The following STK39 variants were observed in gnomAD, a reference collection of about 807,000 sequenced individuals.
STK39 encodes the protein serine/threonine kinase 39.
A neutral mutation model predicts 77.8 loss-of-function variants in STK39; 20 were observed. That is an observed-to-expected ratio of 0.26 (90% CI 0.18 to 0.37). The LOEUF (loss-of-function observed/expected upper bound fraction) is 0.37, where lower values mean the gene tolerates loss of function less well. STK39 is among the 10% of genes least tolerant of loss of function. STK39 has a pLI of 1.00. For missense variants in STK39, 479 were observed against 656.5 expected (o/e 0.73, Z 2.95); for synonymous variants, 246 against 234.1 (o/e 1.05, Z -0.47).
intron 12 of STK39, 95 bp downstream of exon 12, chr2:168,074,887 T>G: frequency 1.6e-5 from 22 of 1,413,908 alleles, no homozygotes; most frequent in Non-Finnish European, 2.1e-5. Context: ...TTCTACTCCA[T>G]GAGATTTTGA....
chr2:168,151,383 T>C (rs2105557975), intron 5 of STK39, among the ~76,000 whole-genome samples: 1 of 152,302 alleles, frequency 6.6e-6, no homozygotes, highest in East Asian at 1.9e-4. Context: ...TTCCTTCAAA[T>C]AGGCTACATC....
chr2:168,102,956 A>AAAAAC (rs1686874726), intron 10 of STK39, among the ~76,000 whole-genome samples: 1 of 143,346 alleles, frequency 7.0e-6, no homozygotes, highest in Non-Finnish European at 1.5e-5. Context: ...AAAAAAAAAA[A>AAAAAC]TCTCTTCTCT....
chr2:168,061,291 GACC>G (rs1685658407), intron 14 of STK39, among the ~76,000 whole-genome samples: 1 of 149,016 alleles, frequency 6.7e-6, no homozygotes, highest in South Asian at 2.1e-4. Context: ...CAGCTGCTCA[GACC>G]ACATCTGGAA....
At chr2:168,183,033 G>A (rs1689122765) in intron 1 of STK39, among the ~76,000 whole-genome samples, 1 of 152,154 alleles carries the variant, frequency 6.6e-6, no homozygotes, top group Admixed American at 6.5e-5. Context: ...ATCATAAAAG[G>A]GAAAGCAGGG....
At chr2:168,094,287 C>T (rs184837794) in intron 10 of STK39, among the ~76,000 whole-genome samples, 1 of 152,282 alleles carries the variant, frequency 6.6e-6, no homozygotes, top group Non-Finnish European at 1.5e-5. Context: ...CGACACAGTC[C>T]TGGTACTTGA....
At chr2:168,210,934 T>C (rs991069294) in intron 1 of STK39, among the ~76,000 whole-genome samples, 1 of 152,218 alleles carries the variant, frequency 6.6e-6, no homozygotes, top group African/African-American at 2.4e-5. Flanking sequence ...TACAACTTAA[T>C]TATAATTTCA....
chr2:168,188,595 T>C (rs1689264574), intron 1 of STK39, among the ~76,000 whole-genome samples: 1 of 152,224 alleles, frequency 6.6e-6, no homozygotes, highest in African/African-American at 2.4e-5. Flanking sequence ...GAAATTGCCA[T>C]TTTTCTACAT....
chr2:168,048,828 T>C (rs1685319285), intron 14 of STK39, among the ~76,000 whole-genome samples: 1 of 152,208 alleles, frequency 6.6e-6, no homozygotes, highest in African/African-American at 2.4e-5. Flanking sequence ...TCATATCATC[T>C]CATTCCCCTA....
chr2:168,167,285 C>T lies in STK39; in HGVS notation c.430+14G>A. 6 of 1,608,514 alleles carry T rather than the reference C, an allele frequency of 3.7e-6. No individual in the cohort carries two copies. Among genetic ancestry groups the T allele is most frequent in the Non-Finnish European group, 4.3e-6 (5 of 1,175,326 alleles). ...AAAACAAGCAAATAAATAACAACAA[C>T]AAAATCCACTTACCTCCACTTAGTA... On this transcript the variant is annotated intron_variant, in intron 3 of 17. Coordinates refer to ENST00000355999, the MANE Select transcript of STK39 (RefSeq NM_013233.3).
chr2:168,136,384 G>T (rs3769410), intron 8 of STK39, among the ~76,000 whole-genome samples: 2 of 92,494 alleles, frequency 2.2e-5, no homozygotes, highest in Non-Finnish European at 4.0e-5. Flanking sequence ...AAAAAAAAAA[G>T]AAAAGAAATA....
intron 16 of STK39, among the ~76,000 whole-genome samples, chr2:167,992,328 C>A (rs1683722625): frequency 6.6e-6 from 1 of 151,970 alleles, no homozygotes; most frequent in Non-Finnish European, 1.5e-5. Flanking sequence ...ACCTGCCCCC[C>A]AACAACAACA....
intron 16 of STK39, among the ~76,000 whole-genome samples, chr2:167,973,093 TTA>T (rs1297782390): frequency 9.8e-5 from 15 of 152,296 alleles, no homozygotes; most frequent in Admixed American, 3.3e-4. Flanking sequence ...TGTGTAATGT[TTA>T]TATAAAAGAG....
chr2:167,978,001 G>A (rs1444269046), intron 16 of STK39, among the ~76,000 whole-genome samples: 2 of 152,174 alleles, frequency 1.3e-5, no homozygotes, highest in Non-Finnish European at 2.9e-5. Flanking sequence ...ATTGGGGGTT[G>A]AAGTGAGGTT....
At chr2:168,239,801 T>G (rs1422335002) in intron 1 of STK39, among the ~76,000 whole-genome samples, 1 of 152,122 alleles carries the variant, frequency 6.6e-6, no homozygotes, top group Non-Finnish European at 1.5e-5. Flanking sequence ...GAAAATACAA[T>G]TTGCAGATAG....
At chr2:167,964,462 C>G (rs1692090243) in intron 17 of STK39, 200 bp downstream of exon 17, 1 of 541,416 alleles carries the variant, frequency 1.8e-6, no homozygotes, top group Admixed American at 3.9e-5. Flanking sequence ...AAGCTATGCT[C>G]ATAGAAGAGG....
chr2:168,118,517 G>A (rs1441760261), intron 10 of STK39, among the ~76,000 whole-genome samples: 1 of 145,450 alleles, frequency 6.9e-6, no homozygotes, highest in Admixed American at 7.3e-5. Flanking sequence ...ATGGGGATCA[G>A]CAAATTACAA....
At position 168,247,412 on chromosome 2, in the gene STK39, G is replaced by A. The variant is rs745441222; in HGVS notation, c.24C>T (p.Pro8=). Residue 8 remains proline (P), a synonymous_variant, in exon 1 of 18, where the codon CCC becomes CCT. Transcript: ENST00000355999. The part of the protein sequence containing the change: MAEPSGS[P]VHVQLPQQAA... ...CCTGCTGGGGAAGCTGGACGTGCAC[G>A]GGCGAGCCGCTCGGCTCCGCCATGA... 9 of 1,217,558 alleles carry A rather than the reference G, an allele frequency of 7.4e-6. No homozygotes were observed. Among genetic ancestry groups the A allele is most frequent in the African/African-American group, 1.6e-5 (1 of 63,246 alleles). 75.4% of individuals were successfully genotyped at this position (1,217,558 alleles called of 1,614,324 possible).
chr2:168,027,585 T>C (rs1684731229), intron 14 of STK39, among the ~76,000 whole-genome samples: 3 of 152,278 alleles, frequency 2.0e-5, no homozygotes, highest in Admixed American at 6.5e-5. Context: ...CATGTACACA[T>C]ACACATGTAT....
rs1355772066 is a variant in STK39 at position 168,140,646 on chromosome 2, T to C, written c.738+3A>G. 9 of 1,590,796 alleles carry C rather than the reference T, an allele frequency of 5.7e-6. No homozygotes were observed. The highest frequency in any genetic ancestry group is 2.7e-5 in the African/African-American group (2 of 73,594). The stretch of plus-strand genomic sequence containing the variant: ...CAAAAAGTCACTTTTTTTGTTTTTT[T>C]ACCTGTTCCATGACTTCAGGAGCCA... On this transcript the variant is annotated splice_donor_region_variant and intron_variant, in intron 6 of 17. Transcript: ENST00000355999.
Sources: allele counts gnomAD v4.1 joint callset (sites outside exome capture counted in the v4.1 genomes callset), GRCh38; gene constraint gnomAD v4.1.1; transcripts MANE v1.5; gene names NCBI Gene and HGNC (gene_info 2026-07-23, HGNC 2026-07-21).